Variants in BANK1 observed in about 807,000 individuals in gnomAD.
BANK1 encodes B-cell scaffold protein with ankyrin repeats.
Under a neutral mutation model 94.5 loss-of-function variants are expected in BANK1, and 95 were observed. That is an observed-to-expected ratio of 1.00 (90% CI 0.85 to 1.19). The LOEUF is 1.19. Among genes scored for constraint, BANK1 ranks in the 50% most tolerant of loss-of-function variants. The probability of loss-of-function intolerance (pLI) is 0.00; values close to 1 mark genes in which losing one functional copy is unlikely to be tolerated. For synonymous variants in BANK1, 334 were observed against 308.4 expected (o/e 1.08, Z -0.87); for missense variants, 987 against 932.2 (o/e 1.06, Z -0.77).
chr4:102,067,065 G>C (rs2148966443), intron 13 of BANK1, among the ~76,000 whole-genome samples: 1 of 152,020 alleles, frequency 6.6e-6, no homozygotes, highest in Non-Finnish European at 1.5e-5. Flanking sequence ...AAGTACTAAG[G>C]GGTATACTAC....
intron 4 of BANK1, among the ~76,000 whole-genome samples, chr4:101,865,390 T>C (rs1728030227): frequency 6.6e-6 from 1 of 152,102 alleles, no homozygotes. Flanking sequence ...CCCCACACTT[T>C]TGTAGGATTT....
At chr4:101,831,139 C>T (rs1726602024) in intron 2 of BANK1, among the ~76,000 whole-genome samples, 1 of 152,146 alleles carries the variant, frequency 6.6e-6, no homozygotes. Flanking sequence ...TTTCTCCTAC[C>T]TTGTCCACAT....
intron 6 of BANK1, among the ~76,000 whole-genome samples, chr4:101,915,848 A>G (rs1722809463): frequency 6.6e-6 from 1 of 152,108 alleles, no homozygotes; most frequent in South Asian, 2.1e-4. Flanking sequence ...AAATAGAATT[A>G]TATGTCTAAT....
intron 1 of BANK1, among the ~76,000 whole-genome samples, chr4:101,817,923 G>C (rs1427910737): frequency 6.6e-6 from 1 of 151,608 alleles, no homozygotes; most frequent in African/African-American, 2.4e-5. Context: ...ATGTGGTCCA[G>C]GGAAGTCAAA....
intron 11 of BANK1, among the ~76,000 whole-genome samples, chr4:102,059,646 G>T (rs542502153): frequency 6.6e-6 from 1 of 152,234 alleles, no homozygotes; most frequent in South Asian, 2.1e-4. Flanking sequence ...TACATAGCAT[G>T]CTCCAAAATA....
intron 8 of BANK1, 125 bp downstream of exon 8, chr4:102,021,717 CTGAT>C: frequency 5.2e-6 from 2 of 383,740 alleles, no homozygotes; most frequent in Non-Finnish European, 9.5e-6. Context: ...ATTTAATTAA[CTGAT>C]TGGCTTTTAA....
At chr4:101,824,032 T>C (rs934507534) in intron 1 of BANK1, among the ~76,000 whole-genome samples, 40 of 152,326 alleles carry the variant, frequency 2.6e-4, no homozygotes, top group African/African-American at 8.4e-4. Flanking sequence ...ATAAGTAGAA[T>C]AACACAGCGA....
chr4:102,002,544 T>TACACACACAC (rs10559889), intron 7 of BANK1, among the ~76,000 whole-genome samples: 2 of 148,032 alleles, frequency 1.4e-5, no homozygotes, highest in Non-Finnish European at 3.0e-5. Context: ...TTAATACAAA[T>TACACACACAC]ACACACACAC....
At chr4:101,893,196 G>A (rs1205369136) in intron 5 of BANK1, among the ~76,000 whole-genome samples, 1 of 151,714 alleles carries the variant, frequency 6.6e-6, no homozygotes, top group Non-Finnish European at 1.5e-5. Context: ...ATTATCTATG[G>A]CATTTCTCTC....
chr4:101,944,939 G>A (rs373959167), intron 7 of BANK1, among the ~76,000 whole-genome samples: 8 of 151,972 alleles, frequency 5.3e-5, no homozygotes, highest in East Asian at 1.9e-4. Flanking sequence ...AAGTGTGTGC[G>A]GAAAATAAAA....
At chr4:101,840,725 G>A (rs1037211609) in intron 2 of BANK1, among the ~76,000 whole-genome samples, 2 of 152,052 alleles carry the variant, frequency 1.3e-5, no homozygotes, top group East Asian at 1.9e-4. Context: ...ATCTCTGTTC[G>A]AGGCTCTCAG....
chr4:101,966,595 A>C (rs2148921275), intron 7 of BANK1, among the ~76,000 whole-genome samples: 1 of 152,214 alleles, frequency 6.6e-6, no homozygotes, highest in South Asian at 2.1e-4. Context: ...AAGATAATTA[A>C]TTAGACTTTG....
chr4:101,994,197 T>G (rs1326561384), intron 7 of BANK1, among the ~76,000 whole-genome samples: 1 of 152,212 alleles, frequency 6.6e-6, no homozygotes, highest in Non-Finnish European at 1.5e-5. Context: ...AAGGAACATA[T>G]CTAAGTTTTG....
chr4:101,835,492 C>T (rs1333882300), intron 2 of BANK1, among the ~76,000 whole-genome samples: 1 of 152,144 alleles, frequency 6.6e-6, no homozygotes, highest in African/African-American at 2.4e-5. Flanking sequence ...CTTAACATTT[C>T]CATTTTGTTT....
At chr4:101,881,776 A>G (rs891690583) in intron 5 of BANK1, among the ~76,000 whole-genome samples, 64 of 152,256 alleles carry the variant, frequency 4.2e-4, no homozygotes, top group African/African-American at 1.5e-3. Flanking sequence ...CAACATGGAT[A>G]GAACTGGAGG....
intron 1 of BANK1, among the ~76,000 whole-genome samples, chr4:101,829,522 C>G (rs1242582330): frequency 6.6e-6 from 1 of 151,420 alleles, no homozygotes; most frequent in Non-Finnish European, 1.5e-5. Context: ...CTACTTATTT[C>G]TTTTTCTAAT....
chr4:102,074,408 T>A lies in BANK1; in HGVS notation c.*409T>A, dbSNP rs1057267552. 3 of 152,054 alleles carry A rather than the reference T, an allele frequency of 2.0e-5. No homozygotes were observed. Among genetic ancestry groups the A allele is most frequent in the African/African-American group, 7.2e-5 (3 of 41,436 alleles). 9.4% of individuals were successfully genotyped at this position (152,054 alleles called of 1,614,324 possible). A position where few individuals can be genotyped will look rare whatever the true frequency, so the allele number is the denominator to read the frequency against. ...CTTAGAATAACCATGAAAATACAAATTTACTTAGCACATTTTTGCTTTTTA... is the reference window on the plus strand; with the variant it reads ...CTTAGAATAACCATGAAAATACAAAATTACTTAGCACATTTTTGCTTTTTA... On this transcript the variant is annotated 3_prime_UTR_variant, in exon 17 of 17. Coordinates refer to ENST00000322953, the MANE Select transcript of BANK1 (RefSeq NM_017935.5).
At chr4:102,017,923 A>T (rs1726766114) in intron 7 of BANK1, among the ~76,000 whole-genome samples, 1 of 152,076 alleles carries the variant, frequency 6.6e-6, no homozygotes, top group Non-Finnish European at 1.5e-5. Flanking sequence ...TCCTCTCTCA[A>T]CTGTGGATGG....
At chr4:101,907,625 G>A (rs1197550843) in intron 6 of BANK1, among the ~76,000 whole-genome samples, 13 of 152,206 alleles carry the variant, frequency 8.5e-5, no homozygotes, top group Admixed American at 2.6e-4. Flanking sequence ...GTCCCTGTTT[G>A]CAGATGACAT....
Sources: allele counts gnomAD v4.1 joint callset (sites outside exome capture counted in the v4.1 genomes callset), GRCh38; gene constraint gnomAD v4.1.1; transcripts MANE v1.5; gene names NCBI Gene and HGNC (gene_info 2026-07-23, HGNC 2026-07-21).